RBFOX1: variants seen among roughly 807,000 people sequenced by gnomAD.
RBFOX1 encodes RNA binding protein fox-1 homolog 1.
RBFOX1 carries 8 observed loss-of-function variants against 57.7 expected under a neutral mutation model. That is an observed-to-expected ratio of 0.14 (90% confidence interval 0.08 to 0.25). The LOEUF (loss-of-function observed/expected upper bound fraction) is 0.25. Ranked by LOEUF, RBFOX1 falls within the 10% of genes least tolerant of loss-of-function variation. The pLI is 1.00. For synonymous variants in RBFOX1, 326 were observed against 222.4 expected (o/e 1.47, Z -4.15); for missense variants, 611 against 548.5 (o/e 1.11, Z -1.14).
At chr16:7,064,529 A>G (rs1197373526) in intron 4 of RBFOX1, among the ~76,000 whole-genome samples, 1 of 152,108 alleles carries the variant, frequency 6.6e-6, no homozygotes, top group Non-Finnish European at 1.5e-5. Context: ...GGCAAACTAC[A>G]TGACCCAAAG....
chr16:6,022,255 T>G (rs1241917654), intron 1 of RBFOX1, among the ~76,000 whole-genome samples: 2 of 842 alleles, frequency 2.4e-3, no homozygotes, highest in African/African-American at 6.0e-3. Context: ...AGCAAATCTG[T>G]TTTTTTTTTT....
intron 1 of RBFOX1, among the ~76,000 whole-genome samples, chr16:6,191,308 C>G (rs745861654): frequency 7.2e-5 from 11 of 151,998 alleles, no homozygotes. Context: ...ATTATGATAA[C>G]CCACCCTTGT....
intron 1 of RBFOX1, among the ~76,000 whole-genome samples, chr16:6,207,627 A>G (rs1378079100): frequency 6.6e-6 from 1 of 152,196 alleles, no homozygotes; most frequent in African/African-American, 2.4e-5. Flanking sequence ...TGCCTATTGA[A>G]TAATAATGCC....
intron 1 of RBFOX1, among the ~76,000 whole-genome samples, chr16:5,370,738 C>T (rs1199350840): frequency 6.6e-6 from 1 of 152,080 alleles, no homozygotes; most frequent in African/African-American, 2.4e-5. Context: ...AACTGTTCTC[C>T]CACCTTGGCC....
chr16:5,590,793 T>C (rs7206441), intron 2 of RBFOX1, among the ~76,000 whole-genome samples: 3,428 of 152,294 alleles, frequency 0.023, 99 homozygotes, highest in African/African-American at 0.077. Context: ...TGGGTTGAAA[T>C]CTGAGAGTGC....
chr16:7,633,029 A>T (rs1041626113), intron 11 of RBFOX1, among the ~76,000 whole-genome samples: 3 of 152,216 alleles, frequency 2.0e-5, no homozygotes, highest in Non-Finnish European at 4.4e-5. Context: ...ATAGAGAGAA[A>T]ATGAAACCAT....
chr16:6,827,501 G>A lies in RBFOX1; in HGVS notation c.-16+172851G>A, dbSNP rs558424691. On this transcript the variant is annotated intron_variant, in intron 3 of 15. Transcript: ENST00000550418. ...GAGGGTTATTCATCACACTTCAGCA[G>A]GGTGATGTTTTCAAAGCCTGAGTGT... 6.6e-5 allele frequency among the ~76,000 whole-genome samples: 10 copies of A among 152,252 alleles called. No individual in the cohort carries two copies. In the South Asian group the frequency reaches 2.1e-3, roughly 32 times the overall value.
intron 4 of RBFOX1, among the ~76,000 whole-genome samples, chr16:7,174,806 A>C (rs541520793): frequency 1.4e-4 from 21 of 152,254 alleles, no homozygotes; most frequent in African/African-American, 5.1e-4. Context: ...CAAAACAAAC[A>C]AACCATTAAA....
chr16:6,581,414 C>T (rs368696858), intron 2 of RBFOX1, among the ~76,000 whole-genome samples: 20 of 152,184 alleles, frequency 1.3e-4, no homozygotes, highest in African/African-American at 3.6e-4. Flanking sequence ...TCACTGTTGG[C>T]AGCTGGTACA....
At chr16:6,217,012 C>G (rs979164507) in intron 1 of RBFOX1, among the ~76,000 whole-genome samples, 2 of 152,020 alleles carry the variant, frequency 1.3e-5, no homozygotes, top group African/African-American at 4.8e-5. Flanking sequence ...TTCGGCAGTT[C>G]AAGTTCAAAA....
intron 10 of RBFOX1, among the ~76,000 whole-genome samples, chr16:7,630,227 A>G (rs985477645): frequency 1.3e-5 from 2 of 152,076 alleles, no homozygotes; most frequent in African/African-American, 4.8e-5. Flanking sequence ...GTGACTTGCC[A>G]AGATCACACA....
intron 3 of RBFOX1, among the ~76,000 whole-genome samples, chr16:5,850,585 A>G (rs1459224250): frequency 6.6e-6 from 1 of 152,200 alleles, no homozygotes; most frequent in Non-Finnish European, 1.5e-5. Flanking sequence ...ACACCTCTGC[A>G]TGTTTACTCC....
At chr16:5,481,407 T>A (rs909845258) in intron 2 of RBFOX1, among the ~76,000 whole-genome samples, 1 of 152,226 alleles carries the variant, frequency 6.6e-6, no homozygotes, top group African/African-American at 2.4e-5. Context: ...TATCTTTCAA[T>A]ACCATTTGAA....
chr16:7,616,476 G>A (rs998876439), intron 10 of RBFOX1, among the ~76,000 whole-genome samples: 6 of 152,208 alleles, frequency 3.9e-5, no homozygotes, highest in Non-Finnish European at 8.8e-5. Flanking sequence ...GGAGGTGTGA[G>A]GAACAGGAAT....
At chr16:7,139,791 A>AG (rs1567419207) in intron 4 of RBFOX1, among the ~76,000 whole-genome samples, 1 of 152,020 alleles carries the variant, frequency 6.6e-6, no homozygotes, top group Admixed American at 6.6e-5. Flanking sequence ...GTGAGCTTTC[A>AG]GGGGGCAGTT....
Position 7,711,617 on chromosome 16 carries a change from A to T in RBFOX1, c.*872A>T, listed in dbSNP as rs2084012735. ...TTTCTATTTTTTTCTTTTTTTCCAA[A>T]AAAAGAAAGTAATAAAAACTTAAAT... is the stretch of plus-strand genomic sequence containing the variant. On this transcript the variant is annotated 3_prime_UTR_variant, in exon 16 of 16. Coordinates refer to ENST00000550418, the MANE Select transcript of RBFOX1 (RefSeq NM_018723.4). The T allele has an allele frequency of 2.0e-5, 3 of 152,714 alleles. No homozygotes were observed. The highest frequency in any genetic ancestry group is 2.1e-4 in the South Asian group (1 of 4,816). 9.5% of individuals were successfully genotyped at this position (152,714 alleles called of 1,614,324 possible).
intron 2 of RBFOX1, among the ~76,000 whole-genome samples, chr16:6,549,019 G>A (rs1247109165): frequency 6.7e-6 from 1 of 149,194 alleles, no homozygotes; most frequent in African/African-American, 2.5e-5. Context: ...AGGTTGCAGT[G>A]AGCTGAGATC....
chr16:7,370,127 A>G (rs9931585), intron 4 of RBFOX1, among the ~76,000 whole-genome samples: 102 of 152,314 alleles, frequency 6.7e-4, no homozygotes, highest in African/African-American at 2.4e-3. Flanking sequence ...CTGTAGGACA[A>G]TTGGCAGCAA....
At chr16:6,211,255 G>A (rs1241353616) in intron 1 of RBFOX1, among the ~76,000 whole-genome samples, 2 of 114,850 alleles carry the variant, frequency 1.7e-5, no homozygotes, top group African/African-American at 2.9e-5. Context: ...TTGGGATGGA[G>A]TCTCGCTTTG....
Sources: allele counts gnomAD v4.1 joint callset (sites outside exome capture counted in the v4.1 genomes callset), GRCh38; gene constraint gnomAD v4.1.1; transcripts MANE v1.5; gene names NCBI Gene and HGNC (gene_info 2026-07-23, HGNC 2026-07-21).